The following GABRG2 variants were observed in gnomAD, a reference collection of about 807,000 sequenced individuals.
GABRG2 encodes the protein gamma-aminobutyric acid receptor subunit gamma-2.
A neutral mutation model predicts 56.4 loss-of-function variants in GABRG2; 16 were observed. That is an observed-to-expected ratio of 0.28 (90% CI 0.19 to 0.43). The LOEUF (loss-of-function observed/expected upper bound fraction) is 0.43. GABRG2 is among the 20% of genes least tolerant of loss of function. GABRG2 has a pLI of 1.00. For synonymous variants in GABRG2, 208 were observed against 205.5 expected, an observed-to-expected ratio of 1.01 and a Z score of -0.10; for missense variants, 327 against 582.7, an observed-to-expected ratio of 0.56 and a Z score of 4.52.
intron 1 of GABRG2, among the ~76,000 whole-genome samples, chr5:162,079,403 C>G (rs901624127): frequency 1.3e-5 from 2 of 152,168 alleles, no homozygotes; most frequent in Non-Finnish European, 2.9e-5. Context: ...GCACGTAAAG[C>G]ACAAAATTAG....
chr5:162,070,056 CT>C (rs1758547251), intron 1 of GABRG2, among the ~76,000 whole-genome samples: 2 of 152,062 alleles, frequency 1.3e-5, no homozygotes, highest in Non-Finnish European at 2.9e-5. Context: ...TTTAACTTTA[CT>C]ATAGTTTATA....
chr5:162,116,933 A>G (rs1023261540), intron 6 of GABRG2, among the ~76,000 whole-genome samples: 1 of 152,278 alleles, frequency 6.6e-6, no homozygotes, highest in East Asian at 1.9e-4. Flanking sequence ...GTTGGTTTTC[A>G]GATCCCAAGA....
At chr5:162,086,899 A>G (rs559498001) in intron 1 of GABRG2, among the ~76,000 whole-genome samples, 13 of 152,118 alleles carry the variant, frequency 8.5e-5, no homozygotes, top group African/African-American at 3.1e-4. Context: ...GCAACCGTGT[A>G]CTTTCTTGTA....
chr5:162,079,588 G>A (rs1759483253), intron 1 of GABRG2, among the ~76,000 whole-genome samples: 1 of 151,808 alleles, frequency 6.6e-6, no homozygotes, highest in Admixed American at 6.6e-5. Flanking sequence ...CTCTTGTAAA[G>A]CCTATATTCT....
intron 6 of GABRG2, among the ~76,000 whole-genome samples, chr5:162,118,113 A>AT (rs754810882): frequency 3.3e-5 from 5 of 149,808 alleles, no homozygotes; most frequent in African/African-American, 4.9e-5. Context: ...AGTTTTGTTT[A>AT]TTTTTTCTCC....
chr5:162,113,812 C>T (rs924874415), intron 6 of GABRG2, among the ~76,000 whole-genome samples: 10 of 152,264 alleles, frequency 6.6e-5, no homozygotes, highest in Non-Finnish European at 1.0e-4. Flanking sequence ...ATCATGGACA[C>T]CAATTGTAAT....
chr5:162,137,558 A>C (rs1049039728), intron 6 of GABRG2, among the ~76,000 whole-genome samples: 2 of 152,122 alleles, frequency 1.3e-5, no homozygotes, highest in African/African-American at 4.8e-5. Flanking sequence ...CTTAGTTAAA[A>C]ATTTAGGGTT....
chr5:162,115,620 G>A (rs1762561294), intron 6 of GABRG2, among the ~76,000 whole-genome samples: 1 of 152,108 alleles, frequency 6.6e-6, no homozygotes, highest in African/African-American at 2.4e-5. Context: ...ATTGGGGATG[G>A]GGTGAAGGTA....
chr5:162,127,761 G>A (rs761852885), intron 6 of GABRG2, among the ~76,000 whole-genome samples: 11 of 151,998 alleles, frequency 7.2e-5, no homozygotes, highest in South Asian at 2.1e-4. Context: ...CTTTCTATCA[G>A]ATCAATCAAA....
At chr5:162,099,239 G>T (rs555671604) in intron 4 of GABRG2, 47 of 151,988 alleles carry the variant, frequency 3.1e-4, no homozygotes, top group Non-Finnish European at 5.6e-4. Context: ...TAAACTTAGA[G>T]ATATAGTAAT....
chr5:162,123,928 T>A (rs569269852), intron 6 of GABRG2, among the ~76,000 whole-genome samples: 1 of 152,032 alleles, frequency 6.6e-6, no homozygotes, highest in African/African-American at 2.4e-5. Flanking sequence ...TTCAAACGAC[T>A]GGTCATCAGG....
chr5:162,151,636 T>G (rs1765376555), intron 8 of GABRG2, 94 bp from the exon 9 acceptor site: 1 of 1,119,882 alleles, frequency 8.9e-7, no homozygotes. Context: ...AAAATGTATT[T>G]TTAATTTATC....
At position 162,101,332 on chromosome 5, in the gene GABRG2, T is replaced by A; in HGVS notation, c.631+15T>A. The A allele has an allele frequency of 6.5e-7, 1 of 1,540,344 alleles. No homozygotes were observed. Among genetic ancestry groups the A allele is most frequent in the Non-Finnish European group, 9.0e-7 (1 of 1,113,882 alleles). On this transcript the variant is annotated intron_variant, in intron 5 of 9. Transcript: ENST00000639213. The stretch of plus-strand genomic sequence containing the variant: ...GTTCTCCAGTTGTAAGTAATATTCC[T>A]TCTCCATTTGTATCCTCCCTCACCT...
chr5:162,103,472 C>G (rs1561645030), intron 5 of GABRG2: 1 of 187,126 alleles, frequency 5.3e-6, no homozygotes, highest in Non-Finnish European at 1.1e-5. Flanking sequence ...TCTGTACTGT[C>G]TTATTATTTT....
At chr5:162,110,345 TGTTACACCTATCCCAAA>T (rs1762166410) in intron 6 of GABRG2, among the ~76,000 whole-genome samples, 1 of 152,144 alleles carries the variant, frequency 6.6e-6, no homozygotes, top group Admixed American at 6.6e-5. Context: ...TTTCTTACTA[TGTTACACCTATCCCAAA>T]GTCTCTGCTC....
chr5:162,068,125 G>T lies in GABRG2; in HGVS notation c.107+19G>T. The T allele has an allele frequency of 6.3e-7, 1 of 1,592,454 alleles. No homozygotes were observed. Among genetic ancestry groups the T allele is most frequent in the South Asian group, 1.1e-5 (1 of 90,522 alleles). ...ACCCTGGGTAAGATGTGCCCTTTTT[G>T]GCGTCGTTTTGTTCTGAAGAGGTGG... On this transcript the variant is annotated intron_variant, in intron 1 of 9. Transcript: ENST00000639213.
At position 162,153,228 on chromosome 5, in the gene GABRG2, G is replaced by C; in HGVS notation, c.1288G>C (p.Glu430Gln). ...CTGTGCCAGTTTTTTCTGCTGTTTT[G>C]AAGATTGTCGAACAGGAGCTTGGAG... ...KDCASFFCCF[E>Q]DCRTGAWRHG... The change falls in exon 10 of 10, where the codon GAA becomes CAA. Residue 430 changes from glutamate to glutamine, a missense_variant. By Grantham distance (29) the Glu-to-Gln change is conservative. Coordinates refer to ENST00000639213, the MANE Select transcript of GABRG2 (RefSeq NM_198904.4). The C allele has an allele frequency of 6.2e-7, 1 of 1,614,086 alleles. No individual in the cohort carries two copies. The highest frequency in any genetic ancestry group is 8.5e-7 in the Non-Finnish European group (1 of 1,179,994).
chr5:162,125,198 C>T (rs938071184), intron 6 of GABRG2, among the ~76,000 whole-genome samples: 2 of 151,594 alleles, frequency 1.3e-5, no homozygotes, highest in Non-Finnish European at 2.9e-5. Flanking sequence ...AATCTATTGC[C>T]TATTTTTTTC....
At chr5:162,098,314 C>T (rs1386752151) in intron 4 of GABRG2, 1 of 166,364 alleles carries the variant, frequency 6.0e-6, no homozygotes, top group African/African-American at 2.4e-5. Flanking sequence ...TCTCCTGGCA[C>T]CCCACTTCCC....
Sources: gnomAD v4.1 joint callset for allele counts (sites outside exome capture counted in the v4.1 genomes callset) on GRCh38, gnomAD v4.1.1 for gene constraint, MANE v1.5 for transcripts, NCBI Gene and HGNC (gene_info 2026-07-23, HGNC 2026-07-21) for gene names.